PLEKHB1: variants seen among roughly 807,000 people sequenced by gnomAD.
PLEKHB1 encodes the protein pleckstrin homology domain containing B1, also known as pleckstrin homology domain-containing family B member 1.
In PLEKHB1, 29 loss-of-function variants were observed where a neutral mutation model predicts 36.2. The observed-to-expected ratio is 0.80, with a 90% CI of 0.60 to 1.09. PLEKHB1 has a LOEUF of 1.09. Among genes scored for constraint, PLEKHB1 ranks in the 50% least tolerant of loss-of-function variants. PLEKHB1 has a pLI of 0.00. For synonymous variants in PLEKHB1, 138 were observed against 140.0 expected, an observed-to-expected ratio of 0.99 and a Z score of 0.10; for missense variants, 330 against 348.2, an observed-to-expected ratio of 0.95 and a Z score of 0.42.
Position 73,661,408 on chromosome 11 carries a change from G to A in PLEKHB1, c.596-58G>A, listed in dbSNP as rs1945116417. The A allele has an allele frequency of 8.2e-6, 13 of 1,591,950 alleles. No individual in the cohort carries two copies. The highest frequency in any genetic ancestry group is 7.7e-6 in the Non-Finnish European group (9 of 1,161,556). On this transcript the variant is annotated intron_variant, in intron 7 of 7. Transcript: ENST00000354190. The surrounding 1 kb of genome is among the most constrained non-coding windows in gnomAD (Gnocchi z 4.6). ...GGCTGGAGTGATGCAGGAAGGGTAC[G>A]AAGATCACTCTACTCCCTCCTAAGT...
At position 73,652,888 on chromosome 11, in the gene PLEKHB1, G is replaced by A. The variant is rs982644537; in HGVS notation, c.351-87G>A. On this transcript the variant is annotated intron_variant, in intron 4 of 7. Transcript: ENST00000354190. The stretch of plus-strand genomic sequence containing the variant: ...CATGAGAGACTTGGGCTTGAGGCTG[G>A]GTTGGAGAGGAAAGTCTAAAATGTG... The A allele has an allele frequency of 1.1e-5, 13 of 1,173,826 alleles. No homozygotes were observed. In the Admixed American group the frequency reaches 1.2e-4, roughly 11 times the overall value. The allele number at this position is 1,173,826 out of a possible 1,614,324, so 72.7% of individuals were successfully genotyped here.
Position 73,661,900 on chromosome 11 carries a change from G to A in PLEKHB1, c.*298G>A, listed in dbSNP as rs76922439. On this transcript the variant is annotated 3_prime_UTR_variant, in exon 8 of 8. Transcript: ENST00000354190. The surrounding 1 kb of genome is among the most constrained non-coding windows in gnomAD (Gnocchi z 4.6). ...AAACACAACAGGGCACAGCAAATAC[G>A]ACTTCATTTGGCTTCGAGTTCCCCA... The A allele has an allele frequency of 3.8e-3, 1,332 of 353,304 alleles. 16 individuals are homozygous for A. Among genetic ancestry groups the A allele is most frequent in the African/African-American group, 0.026 (1,229 of 47,396 alleles). 21.9% of individuals were successfully genotyped at this position (353,304 alleles called of 1,614,324 possible).
At position 73,649,091 on chromosome 11, in the gene PLEKHB1, A is replaced by G; in HGVS notation, c.94+4A>G. On this transcript the variant is annotated splice_donor_region_variant and intron_variant, in intron 2 of 7. Coordinates refer to ENST00000354190, the MANE Select transcript of PLEKHB1 (RefSeq NM_021200.3). ...GGCGGCTGGCTGTGGAGACAGAGTG[A>G]GTGATCCTGGGCCCCTGGTCCTGGG... 6 of 1,592,898 alleles carry G rather than the reference A, an allele frequency of 3.8e-6. No homozygotes were observed. Among genetic ancestry groups the G allele is most frequent in the Non-Finnish European group, 5.1e-6 (6 of 1,169,680 alleles).
Position 73,661,390 on chromosome 11 carries a change from G to A in PLEKHB1, c.596-76G>A. 1 of 1,544,824 alleles carries A rather than the reference G, an allele frequency of 6.5e-7. No homozygotes were observed. Among genetic ancestry groups the A allele is most frequent in the Non-Finnish European group, 8.9e-7 (1 of 1,122,486 alleles). ...GCGCCTTACACTGGGTTGGGCTGGA[G>A]TGATGCAGGAAGGGTACGAAGATCA... On this transcript the variant is annotated intron_variant, in intron 7 of 7. Transcript: ENST00000354190. This position sits in a 1 kb window ranked among gnomAD's most constrained non-coding sequence, Gnocchi z 4.6.
chr11:73,648,994 C>A lies in PLEKHB1; in HGVS notation c.19-18C>A. 6.3e-7 allele frequency: 1 copy of A among 1,579,018 alleles called. No homozygotes were observed. The highest frequency in any genetic ancestry group is 2.3e-5 in the East Asian group (1 of 43,006). On this transcript the variant is annotated intron_variant, in intron 1 of 7. Transcript: ENST00000354190. Reference sequence around the variant, plus strand: ...GAGCTGCTGCTGAGGCCTGTGTCTCCCGTGGCTCCTCTGACAGGTCCCGCC... The same window carrying A: ...GAGCTGCTGCTGAGGCCTGTGTCTCACGTGGCTCCTCTGACAGGTCCCGCC...
intron 6 of PLEKHB1, among the ~76,000 whole-genome samples, chr11:73,656,393 A>G (rs575858023): frequency 6.6e-6 from 1 of 152,324 alleles, no homozygotes; most frequent in African/African-American, 2.4e-5. Context: ...GGAACTTGGC[A>G]CAAGGCTAGG....
At position 73,657,501 on chromosome 11, in the gene PLEKHB1, G is replaced by A. The variant is rs185420669; in HGVS notation, c.495+1594G>A. On this transcript the variant is annotated intron_variant, in intron 6 of 7. Coordinates refer to ENST00000354190, the MANE Select transcript of PLEKHB1 (RefSeq NM_021200.3). ...GTACCCACAAAGTAGCTGGGCCTCTGGAGAGGGAGAGGCAGGTTCAAACCC... is the reference window on the plus strand; with the variant it reads ...GTACCCACAAAGTAGCTGGGCCTCTAGAGAGGGAGAGGCAGGTTCAAACCC... Among the ~76,000 whole-genome samples, 7 of 152,318 alleles carry A rather than the reference G, an allele frequency of 4.6e-5. No individual in the cohort carries two copies. The East Asian group carries it at 1.3e-3, about 29-fold the overall frequency.
chr11:73,659,521 C>A (rs1263612075), intron 6 of PLEKHB1, among the ~76,000 whole-genome samples: 2 of 152,164 alleles, frequency 1.3e-5, no homozygotes, highest in Admixed American at 6.5e-5. Flanking sequence ...ATGCACTTGG[C>A]CCTGCTGGTG....
At position 73,660,768 on chromosome 11, in the gene PLEKHB1, C is replaced by G; in HGVS notation, c.511C>G (p.Pro171Ala). The G allele has an allele frequency of 6.3e-7, 1 of 1,597,362 alleles. No individual in the cohort carries two copies. Among genetic ancestry groups the G allele is most frequent in the Non-Finnish European group, 8.5e-7 (1 of 1,173,244 alleles). ...GATTCCCCAGGTGCGCGTCTACAGCCCGTACCAAGACTACTACGAGGTGGT... is the reference window on the plus strand; with the variant it reads ...GATTCCCCAGGTGCGCGTCTACAGCGCGTACCAAGACTACTACGAGGTGGT... Reference protein sequence around the residue: ...ERRIWVRVYSPYQDYYEVVPP... With the variant: ...ERRIWVRVYSAYQDYYEVVPP... Residue 171 changes from proline to alanine, a missense_variant, in exon 7 of 8, where the codon CCG becomes GCG. By Grantham distance (27) the Pro-to-Ala change is conservative. Coordinates refer to ENST00000354190, the MANE Select transcript of PLEKHB1 (RefSeq NM_021200.3).
intron 6 of PLEKHB1, 106 bp downstream of exon 6, chr11:73,656,013 C>T: frequency 1.1e-6 from 1 of 919,544 alleles, no homozygotes; most frequent in Non-Finnish European, 1.7e-6. Flanking sequence ...CCATGGCTCC[C>T]TATCACCCAC....
intron 6 of PLEKHB1, among the ~76,000 whole-genome samples, chr11:73,657,842 G>A (rs1026140481): frequency 2.0e-5 from 3 of 152,194 alleles, no homozygotes; most frequent in African/African-American, 7.2e-5. Flanking sequence ...CTGATGGGGA[G>A]GGAGCACCGT....
intron 4 of PLEKHB1, chr11:73,652,721 G>A (rs907982664): frequency 5.2e-5 from 21 of 403,642 alleles, no homozygotes; most frequent in South Asian, 8.3e-5. Flanking sequence ...AAGCCCAACC[G>A]TCCACTGTAT....
intron 6 of PLEKHB1, chr11:73,660,467 A>C (rs1451655521): frequency 2.2e-6 from 1 of 457,980 alleles, no homozygotes; most frequent in African/African-American, 2.0e-5. Context: ...GACTACCTAT[A>C]AGGAGAAATT....
rs759940992 is a variant in PLEKHB1, at chr11:73,653,019, G to T, written c.390+5G>T. 6.2e-7 allele frequency: 1 copy of T among 1,609,288 alleles called. No individual in the cohort carries two copies. The highest frequency in any genetic ancestry group is 1.1e-5 in the South Asian group (1 of 90,356). ...CTGGAGGCAAACTCCACCCCGGTGA[G>T]TCTCCCGTTCTCTCCCCCTTTCCCC... is the stretch of plus-strand genomic sequence containing the variant. On this transcript the variant is annotated splice_donor_5th_base_variant and intron_variant, in intron 5 of 7. Transcript: ENST00000354190.
At chr11:73,660,693 G>T in intron 6 of PLEKHB1, 60 bp from the exon 7 acceptor site, 1 of 1,502,186 alleles carries the variant, frequency 6.7e-7, no homozygotes, top group South Asian at 1.2e-5. Flanking sequence ...AGGCGTGGGG[G>T]TAGGGGACCA....
intron 6 of PLEKHB1, among the ~76,000 whole-genome samples, chr11:73,657,078 G>C (rs60892158): frequency 6.6e-6 from 1 of 152,118 alleles, no homozygotes; most frequent in Admixed American, 6.5e-5. Flanking sequence ...AGGCGGACGT[G>C]GTTGCAGTGA....
At position 73,661,118 on chromosome 11, in the gene PLEKHB1, G is replaced by C. The variant is rs1945106719; in HGVS notation, c.595+266G>C. ...CATTCCTGAGCCGGTAGCGGCCCCT[G>C]GTGGCTACTGCGGGAATGCTGCCTC... On this transcript the variant is annotated intron_variant, in intron 7 of 7. Coordinates refer to ENST00000354190, the MANE Select transcript of PLEKHB1 (RefSeq NM_021200.3). The surrounding 1 kb of genome is among the most constrained non-coding windows in gnomAD (Gnocchi z 4.6). Among the ~76,000 whole-genome samples, 1 of 152,220 alleles carries C rather than the reference G, an allele frequency of 6.6e-6. No individual in the cohort carries two copies. Among genetic ancestry groups the C allele is most frequent in the South Asian group, 2.1e-4 (1 of 4,830 alleles).
chr11:73,661,048 C>A lies in PLEKHB1; in HGVS notation c.595+196C>A. The A allele has an allele frequency of 1.6e-6, 1 of 622,302 alleles. No homozygotes were observed. Among genetic ancestry groups the A allele is most frequent in the South Asian group, 1.9e-5 (1 of 52,292 alleles). The allele number at this position is 622,302 out of a possible 1,614,324, so 38.5% of individuals were successfully genotyped here. ...GAACCAGCGTTCGTCTCGAGCTGACCTCACCCTTCTGGGATGGCTCCTCAG... is the reference window on the plus strand; with the variant it reads ...GAACCAGCGTTCGTCTCGAGCTGACATCACCCTTCTGGGATGGCTCCTCAG... On this transcript the variant is annotated intron_variant, in intron 7 of 7. Coordinates refer to ENST00000354190, the MANE Select transcript of PLEKHB1 (RefSeq NM_021200.3). This position sits in a 1 kb window ranked among gnomAD's most constrained non-coding sequence, Gnocchi z 4.6.
In PLEKHB1 at chr11:73,650,636, C is replaced by A; in HGVS notation, c.178C>A (p.Gln60Lys). ...TLGYYHDETA[Q>K]DEEDRVLIHF... ...GGGATACTACCACGATGAGACAGCG[C>A]AGGACGAGGAGGACCGTGTGCTCAT... The change falls in exon 3 of 8, where the codon CAG (glutamine) becomes AAG (lysine). Residue 60 changes from glutamine (Q) to lysine (K), a missense_variant. Physicochemically the swap from Gln to Lys is moderately conservative, Grantham distance 53. Coordinates refer to ENST00000354190, the MANE Select transcript of PLEKHB1 (RefSeq NM_021200.3). 6.2e-7 allele frequency: 1 copy of A among 1,612,848 alleles called. No individual in the cohort carries two copies. The highest frequency in any genetic ancestry group is 1.1e-5 in the South Asian group (1 of 90,730).
Sources: gnomAD v4.1 joint callset for allele counts (sites outside exome capture counted in the v4.1 genomes callset) on GRCh38, gnomAD v4.1.1 for gene constraint, Gnocchi (gnomAD v3.1) non-coding constraint, MANE v1.5 for transcripts, NCBI Gene and HGNC (gene_info 2026-07-23, HGNC 2026-07-21) for gene names.